Variants in LENG8 observed in about 807,000 individuals in gnomAD.
LENG8 encodes leukocyte receptor cluster member 8.
LENG8 carries 28 observed loss-of-function variants against 102.1 expected under a neutral mutation model. The observed-to-expected ratio is 0.27, with a 90% confidence interval of 0.20 to 0.38. The LOEUF (loss-of-function observed/expected upper bound fraction) is 0.38, where lower values mean the gene tolerates loss of function less well. Among genes scored for constraint, LENG8 ranks in the 10% least tolerant of loss-of-function variants. The probability of loss-of-function intolerance (pLI) is 1.00; values close to 1 mark genes in which losing one functional copy is unlikely to be tolerated. For synonymous variants in LENG8, 531 were observed against 456.7 expected, an observed-to-expected ratio of 1.16 and a Z score of -2.07; for missense variants, 1,022 against 1,113.9, an observed-to-expected ratio of 0.92 and a Z score of 1.17.
rs1434315488 is a variant in LENG8, at chr19:54,461,944, C to T, written c.*1016C>T. On this transcript the variant is annotated 3_prime_UTR_variant, in exon 16 of 16. Transcript: ENST00000326764. ...CCTCTCCCCTCCTTTTCCTTCCTTC[C>T]TTCCTTTCCTTGGAGCACTGAGCAC... 2.0e-6 allele frequency: 2 copies of T among 1,004,860 alleles called. No homozygotes were observed. Among genetic ancestry groups the T allele is most frequent in the Non-Finnish European group, 1.6e-6 (1 of 631,238 alleles). 62.2% of individuals were successfully genotyped at this position (1,004,860 alleles called of 1,614,324 possible).
At chr19:54,455,149 G>T in intron 7 of LENG8, 57 bp downstream of exon 7, 5 of 1,606,020 alleles carry the variant, frequency 3.1e-6, no homozygotes. Flanking sequence ...AGCGTCTATG[G>T]TCCAGTCCCA....
At chr19:54,453,493 G>A (rs1202389864) in intron 4 of LENG8, 53 bp from the exon 5 acceptor site, 2 of 1,219,114 alleles carry the variant, frequency 1.6e-6, no homozygotes, top group Non-Finnish European at 2.4e-6. Flanking sequence ...GCAGGCTGGG[G>A]AAGCGGAAAG....
chr19:54,458,305 T>G lies in LENG8; in HGVS notation c.2033-9T>G, dbSNP rs1425710691. 1 of 1,613,322 alleles carries G rather than the reference T, an allele frequency of 6.2e-7. No homozygotes were observed. Among genetic ancestry groups the G allele is most frequent in the Non-Finnish European group, 8.5e-7 (1 of 1,179,508 alleles). On this transcript the variant is annotated splice_polypyrimidine_tract_variant and intron_variant, in intron 14 of 15. Coordinates refer to ENST00000326764, the MANE Select transcript of LENG8 (RefSeq NM_052925.4). Reference sequence around the variant, plus strand: ...CCTGCTGACTTCACCCTCTTTGTCTTGGTGCTAGACATCACCACGGAGCTG... The same window carrying G: ...CCTGCTGACTTCACCCTCTTTGTCTGGGTGCTAGACATCACCACGGAGCTG...
At chr19:54,460,586 C>CA in intron 15 of LENG8, 180 bp from the exon 16 acceptor site, 2 of 1,262,666 alleles carry the variant, frequency 1.6e-6, no homozygotes, top group South Asian at 1.6e-5. Context: ...GGGTCACTAA[C>CA]CCCCCCCGGG....
rs1392149827 is a variant in LENG8, at chr19:54,461,317, A to G, written c.*389A>G. 2 of 462,136 alleles carry G rather than the reference A, an allele frequency of 4.3e-6. No homozygotes were observed. Among genetic ancestry groups the G allele is most frequent in the Admixed American group, 2.5e-5 (1 of 40,496 alleles). 28.6% of individuals were successfully genotyped at this position (462,136 alleles called of 1,614,324 possible). A position where few individuals can be genotyped will look rare whatever the true frequency, so the allele number is the denominator to read the frequency against. On this transcript the variant is annotated 3_prime_UTR_variant, in exon 16 of 16. Coordinates refer to ENST00000326764, the MANE Select transcript of LENG8 (RefSeq NM_052925.4). ...GCCGGGGGGCCAGTGGAAAGAAGAC[A>G]GGCCGTCCAGCCCGTGCCCGCCTGC...
At position 54,454,442 on chromosome 19, in the gene LENG8, G is replaced by A. The variant is rs964005888; in HGVS notation, c.439G>A (p.Gly147Ser). The A allele has an allele frequency of 4.4e-6, 7 of 1,607,414 alleles. No homozygotes were observed. Among genetic ancestry groups the A allele is most frequent in the East Asian group, 4.5e-5 (2 of 44,764 alleles). Residue 147 changes from glycine (G) to serine (S), a missense_variant, in exon 6 of 16, where the codon GGC becomes AGC. Transcript: ENST00000326764. Reference protein sequence around the residue: ...QGTLNQPPVPGMDESMSYQAP... With the variant: ...QGTLNQPPVPSMDESMSYQAP... ...CTTCCTTCTGCAGCCCCCAGTCCCC[G>A]GCATGGATGAGAGCATGTCCTACCA...
intron 15 of LENG8, 45 bp from the exon 16 acceptor site, chr19:54,460,721 C>CCAA: frequency 5.1e-6 from 3 of 593,300 alleles, no homozygotes; most frequent in Non-Finnish European, 7.4e-6. Flanking sequence ...CCTCCCCTGC[C>CCAA]CTCCCGCCCG....
intron 15 of LENG8, chr19:54,459,976 G>A: frequency 8.1e-7 from 1 of 1,229,498 alleles, no homozygotes; most frequent in Non-Finnish European, 1.0e-6. Flanking sequence ...CCTTGGTTGG[G>A]AACATAGCCA....
At chr19:54,452,291 G>T (rs760648037) in intron 3 of LENG8, 24 bp downstream of exon 3, 1 of 1,582,278 alleles carries the variant, frequency 6.3e-7, no homozygotes, top group South Asian at 1.1e-5. Context: ...ATGGGGCTGG[G>T]GTACCCTGAG....
At chr19:54,452,926 A>G (rs983976158) in intron 4 of LENG8, among the ~76,000 whole-genome samples, 174 bp downstream of exon 4, 3 of 152,170 alleles carry the variant, frequency 2.0e-5, no homozygotes, top group Admixed American at 6.5e-5. Flanking sequence ...GGTCCCCGCC[A>G]TGAGCCACAA....
At chr19:54,452,000 T>C in intron 2 of LENG8, 93 bp from the exon 3 acceptor site, 1 of 1,169,242 alleles carries the variant, frequency 8.6e-7, no homozygotes, top group Non-Finnish European at 1.2e-6. Flanking sequence ...AACAGTTAGA[T>C]ATGGGATCCA....
intron 15 of LENG8, chr19:54,459,050 CT>C (rs750618090): frequency 8.5e-6 from 12 of 1,418,158 alleles, no homozygotes; most frequent in East Asian, 7.5e-5. Flanking sequence ...GGCCATGCCC[CT>C]GCAGTGTCCT....
At position 54,461,846 on chromosome 19, in the gene LENG8, T is replaced by A; in HGVS notation, c.*918T>A. The A allele has an allele frequency of 1.6e-6, 1 of 619,192 alleles. No individual in the cohort carries two copies. The highest frequency in any genetic ancestry group is 3.1e-6 in the Non-Finnish European group (1 of 322,950). The allele number at this position is 619,192 out of a possible 1,614,324, so 38.4% of individuals were successfully genotyped here. A position where few individuals can be genotyped will look rare whatever the true frequency, so the allele number is the denominator to read the frequency against. On this transcript the variant is annotated 3_prime_UTR_variant, in exon 16 of 16. Coordinates refer to ENST00000326764, the MANE Select transcript of LENG8 (RefSeq NM_052925.4). ...TCTGCCATGTAACTGGAGGATGTGC[T>A]ATGAGTTTGCAAACAGCTGGACTGT...
intron 1 of LENG8, among the ~76,000 whole-genome samples, chr19:54,450,708 C>T (rs968045570): frequency 1.3e-5 from 2 of 151,738 alleles, no homozygotes; most frequent in African/African-American, 2.4e-5. Flanking sequence ...CCGCCCTCCG[C>T]CTCCCGTGTT....
At chr19:54,453,477 T>G (rs1055104373) in intron 4 of LENG8, 69 bp from the exon 5 acceptor site, 2 of 999,340 alleles carry the variant, frequency 2.0e-6, no homozygotes, top group African/African-American at 3.2e-5. Context: ...CTGGTGTAGT[T>G]CCTGAGCAGG....
chr19:54,451,430 G>C, intron 2 of LENG8, 48 bp downstream of exon 2: 14 of 1,583,030 alleles, frequency 8.8e-6, no homozygotes, highest in Non-Finnish European at 1.1e-5. Flanking sequence ...GAAAGAGGAA[G>C]CAAGACCCAG....
rs752740793 is a variant in LENG8 at position 54,455,577 on chromosome 19, G to T, written c.1025+10G>T. 4.4e-6 allele frequency: 7 copies of T among 1,602,646 alleles called. 1 individual carries two copies. The East Asian group carries it at 9.0e-5, about 21-fold the overall frequency. On this transcript the variant is annotated intron_variant, in intron 8 of 15. Transcript: ENST00000326764. The stretch of plus-strand genomic sequence containing the variant: ...GGGAGCCCTTGCCGGGGTTAGTCTG[G>T]GTGGGGGACATAGGTGGGAGGGTGG...
Position 54,451,356 on chromosome 19 carries a change from C to T in LENG8, c.12C>T (p.Asn4=), listed in dbSNP as rs2083950975. Residue 4 remains asparagine (N), a synonymous_variant, in exon 2 of 16, where the codon AAC becomes AAT. Coordinates refer to ENST00000326764, the MANE Select transcript of LENG8 (RefSeq NM_052925.4). The part of the protein sequence containing the change: MAA[N]VGDQRSTDWS... ...ACCCCAAGGTCCAGATGGCGGCCAA[C>T]GTGGGTGATCAACGTAGCACAGATT... 6.2e-7 allele frequency: 1 copy of T among 1,614,162 alleles called. No individual in the cohort carries two copies.
chr19:54,450,065 C>G (rs982775928), intron 1 of LENG8, among the ~76,000 whole-genome samples: 1 of 152,206 alleles, frequency 6.6e-6, no homozygotes, highest in Admixed American at 6.5e-5. Context: ...GTTTAGGCTC[C>G]TGAATCCTTG....
Sources: gnomAD v4.1 joint callset for allele counts (sites outside exome capture counted in the v4.1 genomes callset) on GRCh38, gnomAD v4.1.1 for gene constraint, MANE v1.5 for transcripts, NCBI Gene and HGNC (gene_info 2026-07-23, HGNC 2026-07-21) for gene names.